WDSUB1: variants seen among roughly 807,000 people sequenced by gnomAD.
WDSUB1 encodes the protein WD repeat, SAM and U-box domain-containing protein 1.
WDSUB1 carries 49 observed loss-of-function variants against 53.9 expected under a neutral mutation model. The ratio of observed to expected loss-of-function variants is 0.91; its 90% CI spans 0.72 to 1.15. The LOEUF (loss-of-function observed/expected upper bound fraction) is 1.15. Ranked by LOEUF, WDSUB1 falls within the 50% of genes most tolerant of loss-of-function variation. The probability of loss-of-function intolerance (pLI) is 0.00; values close to 1 mark genes in which losing one functional copy is unlikely to be tolerated. For synonymous variants in WDSUB1, 194 were observed against 200.6 expected (o/e 0.97, Z 0.28); for missense variants, 514 against 562.0 (o/e 0.91, Z 0.86).
At chr2:159,258,246 T>C (rs1179506140) in intron 6 of WDSUB1, among the ~76,000 whole-genome samples, 1 of 152,236 alleles carries the variant, frequency 6.6e-6, no homozygotes, top group Non-Finnish European at 1.5e-5. Context: ...CAGTAGACCC[T>C]TGGCATTTGC....
In WDSUB1 at chr2:159,261,878, ATATATATATATATATATATTTTTTTTTTT is replaced by A. The variant is rs2061214820; in HGVS notation, c.771-2064_771-2036del. On this transcript the variant is annotated intron_variant, in intron 5 of 10. Coordinates refer to ENST00000359774, the MANE Select transcript of WDSUB1 (RefSeq NM_001128212.3). ...TATATATATATATATATATATATAT[ATATATATATATATATATATTTTTTTTTTT>A]TTTTTTTTTTTTTTTTTTTTTTAAA... Among the ~76,000 whole-genome samples the A allele has an allele frequency of 8.3e-4, 13 of 15,754 alleles. 1 individual carries two copies. The highest frequency in any genetic ancestry group is 1.1e-3 in the Non-Finnish European group (11 of 10,002). The allele number at this position is 15,754 out of a possible 152,430, so 10.3% of individuals were successfully genotyped here. A position where few individuals can be genotyped will look rare whatever the true frequency, so the allele number is the denominator to read the frequency against.
intron 6 of WDSUB1, 148 bp from the exon 7 acceptor site, chr2:159,258,133 T>G: frequency 1.4e-6 from 1 of 697,868 alleles, no homozygotes; most frequent in Admixed American, 2.8e-5. Context: ...ACTCAATGAA[T>G]AGCAGAAACA....
chr2:159,243,200 T>A (rs1225720257), intron 10 of WDSUB1, among the ~76,000 whole-genome samples: 1 of 147,902 alleles, frequency 6.8e-6, no homozygotes, highest in Non-Finnish European at 1.5e-5. Flanking sequence ...CTACAGGGAT[T>A]ACGCTAAGAA....
intron 8 of WDSUB1, among the ~76,000 whole-genome samples, chr2:159,256,597 CAA>C (rs35877234): frequency 2.2e-5 from 3 of 135,152 alleles, no homozygotes; most frequent in Admixed American, 7.6e-5. Context: ...AGACCAGTCT[CAA>C]AAAAAAAAAA....
intron 6 of WDSUB1, among the ~76,000 whole-genome samples, chr2:159,258,646 A>C (rs2061121484): frequency 6.6e-6 from 1 of 152,138 alleles, no homozygotes. Context: ...GCAAAGGAGC[A>C]AGAGTCTGTC....
At chr2:159,270,993 C>A (rs1222127621) in intron 5 of WDSUB1, among the ~76,000 whole-genome samples, 1 of 152,156 alleles carries the variant, frequency 6.6e-6, no homozygotes, top group Non-Finnish European at 1.5e-5. Context: ...CCACTTTGTT[C>A]TGGGGAAACG....
intron 5 of WDSUB1, among the ~76,000 whole-genome samples, chr2:159,263,140 A>C (rs898656317): frequency 2.0e-5 from 3 of 152,108 alleles, no homozygotes; most frequent in Non-Finnish European, 2.9e-5. Flanking sequence ...GACGTGGTGT[A>C]ATCACAGACT....
intron 4 of WDSUB1, among the ~76,000 whole-genome samples, chr2:159,275,063 A>C (rs1228906662): frequency 6.6e-6 from 1 of 152,224 alleles, no homozygotes; most frequent in Non-Finnish European, 1.5e-5. Context: ...CAGGAGGCCC[A>C]ACATTCAATT....
At chr2:159,241,719 C>CTTTTTTTTTTTTT (rs527377114) in intron 10 of WDSUB1, among the ~76,000 whole-genome samples, 4 of 130,332 alleles carry the variant, frequency 3.1e-5, no homozygotes, top group Non-Finnish European at 4.8e-5. Context: ...TTTCTTTTTT[C>CTTTTTTTTTTTTT]TTTTTTTTTT....
At chr2:159,240,937 G>C (rs2060627557) in intron 10 of WDSUB1, among the ~76,000 whole-genome samples, 1 of 152,206 alleles carries the variant, frequency 6.6e-6, no homozygotes, top group Admixed American at 6.5e-5. Flanking sequence ...CACCTAGAAA[G>C]GCTTAAGAGA....
At chr2:159,237,302 C>G (rs936053399) in intron 10 of WDSUB1, among the ~76,000 whole-genome samples, 8 of 152,164 alleles carry the variant, frequency 5.3e-5, no homozygotes, top group Non-Finnish European at 1.0e-4. Flanking sequence ...GGTGGAGCCA[C>G]TTGAGGTCAG....
chr2:159,266,275 GCC>G (rs1553457686), intron 5 of WDSUB1, among the ~76,000 whole-genome samples: 1 of 151,632 alleles, frequency 6.6e-6, no homozygotes, highest in Non-Finnish European at 1.5e-5. Context: ...CGCAAGCACC[GCC>G]TCCCGGGTTC....
intron 1 of WDSUB1, 112 bp downstream of exon 1, chr2:159,286,471 G>A (rs58048811): frequency 0.042 from 6,412 of 152,378 alleles, 233 homozygotes; most frequent in African/African-American, 0.078. Context: ...CCTGCTGCGC[G>A]GTTAGAACCG....
intron 10 of WDSUB1, among the ~76,000 whole-genome samples, chr2:159,241,105 C>T (rs1438941068): frequency 1.3e-5 from 2 of 152,144 alleles, no homozygotes; most frequent in African/African-American, 2.4e-5. Context: ...TAACCCAACA[C>T]GGTGAAGGCT....
rs11324351 is a variant in WDSUB1, at chr2:159,257,387, C to CTTT, written c.952+368_952+370dup. On this transcript the variant is annotated intron_variant, in intron 8 of 10. Coordinates refer to ENST00000359774, the MANE Select transcript of WDSUB1 (RefSeq NM_001128212.3). ...AATAACCTGTCAAATGATTTACTAA[C>CTTT]TTTTTTTTTTTTTTTTGAGATGGAG... 1.3e-3 allele frequency among the ~76,000 whole-genome samples: 179 copies of CTTT among 139,748 alleles called. 2 individuals are homozygous for CTTT. The highest frequency in any genetic ancestry group is 4.4e-3 in the African/African-American group (168 of 38,078). The allele number at this position is 139,748 out of a possible 152,430, so 91.7% of individuals were successfully genotyped here.
intron 10 of WDSUB1, among the ~76,000 whole-genome samples, chr2:159,242,487 C>T (rs1411288667): frequency 6.8e-6 from 1 of 146,614 alleles, no homozygotes; most frequent in Non-Finnish European, 1.5e-5. Flanking sequence ...AAGGTGAAAC[C>T]CCATCTCTAC....
At chr2:159,283,199 T>C (rs2061712004) in intron 1 of WDSUB1, 106 bp from the exon 2 acceptor site, 1 of 971,944 alleles carries the variant, frequency 1.0e-6, no homozygotes, top group African/African-American at 1.7e-5. Context: ...AATGAAAGCT[T>C]CTACATCAAC....
At chr2:159,286,323 C>T (rs2151169335) in intron 1 of WDSUB1, 1 of 152,532 alleles carries the variant, frequency 6.6e-6, no homozygotes, top group South Asian at 2.1e-4. Flanking sequence ...CTGAGCGACC[C>T]CAGGCAAGAG....
At chr2:159,243,720 T>C (rs2060717908) in intron 10 of WDSUB1, among the ~76,000 whole-genome samples, 1 of 152,224 alleles carries the variant, frequency 6.6e-6, no homozygotes. Flanking sequence ...GAAAGTGATT[T>C]AACCACTCTG....
Sources: gnomAD v4.1 joint callset for allele counts (sites outside exome capture counted in the v4.1 genomes callset) on GRCh38, gnomAD v4.1.1 for gene constraint, MANE v1.5 for transcripts, NCBI Gene and HGNC (gene_info 2026-07-23, HGNC 2026-07-21) for gene names.